The following RHBDF2 variants were observed in gnomAD, a reference collection of about 807,000 sequenced individuals.
RHBDF2 encodes inactive rhomboid protein 2.
A neutral mutation model predicts 95.2 loss-of-function variants in RHBDF2; 38 were observed. That is an observed-to-expected ratio of 0.40 (90% confidence interval 0.31 to 0.52). The LOEUF is 0.52. Ranked by LOEUF, RHBDF2 falls within the 20% of genes least tolerant of loss-of-function variation. The pLI is 0.56. For missense variants in RHBDF2, 863 were observed against 1,137.7 expected (o/e 0.76, Z 3.47); for synonymous variants, 442 against 462.0 (o/e 0.96, Z 0.55).
In RHBDF2 at chr17:76,490,236, C is replaced by T. The variant is rs1002674394; in HGVS notation, c.-219-2327G>A. On this transcript the variant is annotated intron_variant, in intron 1 of 18. Transcript: ENST00000675367. ...CGCTTCTTTAAGGCTAGTCCAGCAG[C>T]GCTGGCTTCGCCTCCTTCCATCCCG... 4.6e-5 allele frequency among the ~76,000 whole-genome samples: 7 copies of T among 152,184 alleles called. No individual in the cohort carries two copies. In the East Asian group the frequency reaches 5.8e-4, roughly 13 times the overall value.
chr17:76,488,489 G>C (rs1403322090), intron 1 of RHBDF2, among the ~76,000 whole-genome samples: 1 of 129,838 alleles, frequency 7.7e-6, no homozygotes, highest in Non-Finnish European at 1.8e-5. Context: ...GACAGAGGGA[G>C]ACTCTGCCTC....
At chr17:76,474,602 A>G (rs1332726934) in intron 11 of RHBDF2, 68 bp from the exon 12 acceptor site, 1 of 1,609,366 alleles carries the variant, frequency 6.2e-7, no homozygotes, top group African/African-American at 1.3e-5. Flanking sequence ...CCATCACTCC[A>G]CCTCTGCCCC....
intron 1 of RHBDF2, among the ~76,000 whole-genome samples, chr17:76,494,091 G>A (rs995276052): frequency 6.6e-6 from 1 of 152,150 alleles, no homozygotes; most frequent in Non-Finnish European, 1.5e-5. Context: ...CCAAGATCAG[G>A]GGTGTGAGGT....
chr17:76,481,760 C>T (rs2073973984), intron 2 of RHBDF2: 1 of 380,678 alleles, frequency 2.6e-6, no homozygotes. Context: ...CGAGACCATC[C>T]TGGCCAACAT....
chr17:76,501,139 C>T (rs1050538383), intron 1 of RHBDF2: 9 of 152,364 alleles, frequency 5.9e-5, no homozygotes, highest in African/African-American at 2.2e-4. Flanking sequence ...CAGACCGGGT[C>T]CAGCGGCCCC....
At chr17:76,489,326 T>G (rs1173500598) in intron 1 of RHBDF2, among the ~76,000 whole-genome samples, 1 of 26,004 alleles carries the variant, frequency 3.8e-5, no homozygotes, top group African/African-American at 1.4e-4. Flanking sequence ...GGCATTCCTG[T>G]TTTTTTTTTT....
At chr17:76,496,938 A>G (rs2074438981) in intron 1 of RHBDF2, among the ~76,000 whole-genome samples, 1 of 151,796 alleles carries the variant, frequency 6.6e-6, no homozygotes, top group East Asian at 1.9e-4. Flanking sequence ...ATTTTTTTGT[A>G]TTTTTAGTAG....
At chr17:76,481,692 C>T (rs918951973) in intron 2 of RHBDF2, 147 bp from the exon 3 acceptor site, 42 of 643,292 alleles carry the variant, frequency 6.5e-5, no homozygotes, top group African/African-American at 4.6e-4. Context: ...CGGTGGCTCA[C>T]GCCTGTAATC....
At chr17:76,483,722 T>G (rs1253498899) in intron 2 of RHBDF2, among the ~76,000 whole-genome samples, 2 of 152,226 alleles carry the variant, frequency 1.3e-5, no homozygotes, top group African/African-American at 2.4e-5. Flanking sequence ...ACTAACACCC[T>G]TGCATACACC....
intron 2 of RHBDF2, among the ~76,000 whole-genome samples, chr17:76,486,330 G>A (rs1346597579): frequency 6.6e-6 from 1 of 152,088 alleles, no homozygotes; most frequent in Non-Finnish European, 1.5e-5. Context: ...GGCTAGTCTC[G>A]AACTCCTTAC....
intron 2 of RHBDF2, among the ~76,000 whole-genome samples, chr17:76,487,047 C>T (rs570855516): frequency 4.6e-5 from 7 of 151,178 alleles, no homozygotes; most frequent in African/African-American, 1.7e-4. Flanking sequence ...CAGCCTCCGC[C>T]TCCTGGGTTC....
Position 76,481,399 on chromosome 17 carries a change from G to C in RHBDF2, c.126C>G (p.Gly42=), listed in dbSNP as rs746701071. The change falls in exon 3 of 19, where the codon GGC becomes GGG. Residue 42 remains glycine, a synonymous_variant. Coordinates refer to ENST00000675367, the MANE Select transcript of RHBDF2 (RefSeq NM_001005498.4). ...PPPEKETQAP[G]EQDSMLPERK... ...CCTCAGGCAGCATGCTGTCCTGCTC[G>C]CCAGGGGCCTGGGTCTCTTTCTCGG... 5 of 1,612,360 alleles carry C rather than the reference G, an allele frequency of 3.1e-6. No individual in the cohort carries two copies. The African/African-American group carries it at 4.0e-5, about 13-fold the overall frequency.
chr17:76,478,471 C>A (rs573382150), intron 6 of RHBDF2, among the ~76,000 whole-genome samples: 4 of 152,208 alleles, frequency 2.6e-5, no homozygotes, highest in Admixed American at 2.6e-4. Context: ...GCTCTGCACG[C>A]GGTGCCCAGC....
intron 1 of RHBDF2, among the ~76,000 whole-genome samples, chr17:76,498,353 C>CTGGGGCAGA (rs2074481603): frequency 6.6e-6 from 1 of 152,228 alleles, no homozygotes; most frequent in African/African-American, 2.4e-5. Flanking sequence ...TGGAAATCCC[C>CTGGGGCAGA]TGGGGCAGAT....
chr17:76,499,729 C>T (rs2074528602), intron 1 of RHBDF2, among the ~76,000 whole-genome samples: 1 of 152,188 alleles, frequency 6.6e-6, no homozygotes, highest in African/African-American at 2.4e-5. Flanking sequence ...CACATGGTAT[C>T]AGGCAACCAT....
chr17:76,499,172 A>C (rs762235613), intron 1 of RHBDF2, among the ~76,000 whole-genome samples: 4 of 152,204 alleles, frequency 2.6e-5, no homozygotes, highest in Non-Finnish European at 4.4e-5. Flanking sequence ...CAAAACAAAA[A>C]AAACAAAAGC....
In RHBDF2 at chr17:76,481,096, G is replaced by A. The variant is rs3809698; in HGVS notation, c.150+279C>T. On this transcript the variant is annotated intron_variant, in intron 3 of 18. Transcript: ENST00000675367. Reference sequence around the variant, plus strand: ...AGTCCAGGCCTAGGGGGTGAAATGAGAACAGCCAGGGCCCCAGGGTTACCA... The same window carrying A: ...AGTCCAGGCCTAGGGGGTGAAATGAAAACAGCCAGGGCCCCAGGGTTACCA... Among the ~76,000 whole-genome samples, 116,008 of 152,120 alleles carry A rather than the reference G, an allele frequency of 0.76. 45,444 individuals are homozygous for A. Among genetic ancestry groups the A allele is most frequent in the Non-Finnish European group, 0.86 (58,358 of 67,994 alleles).
At position 76,500,460 on chromosome 17, in the gene RHBDF2, T is replaced by C. The variant is rs980146675; in HGVS notation, c.-220+893A>G. Among the ~76,000 whole-genome samples, 4 of 152,292 alleles carry C rather than the reference T, an allele frequency of 2.6e-5. No individual in the cohort carries two copies. The East Asian group carries it at 7.7e-4, about 29-fold the overall frequency. On this transcript the variant is annotated intron_variant, in intron 1 of 18. Coordinates refer to ENST00000675367, the MANE Select transcript of RHBDF2 (RefSeq NM_001005498.4). ...TAAGGCAGATGCTGGTCTCATTATA[T>C]TACCAGCAAATGGCACACACTGGGG...
At chr17:76,486,115 C>CACACAT (rs1484804849) in intron 2 of RHBDF2, among the ~76,000 whole-genome samples, 154 of 143,716 alleles carry the variant, frequency 1.1e-3, no homozygotes, top group Admixed American at 1.6e-3. Flanking sequence ...CACACACACA[C>CACACAT]ATATAGTTTT....
Sources: allele counts gnomAD v4.1 joint callset (sites outside exome capture counted in the v4.1 genomes callset), GRCh38; gene constraint gnomAD v4.1.1; transcripts MANE v1.5; gene names NCBI Gene and HGNC (gene_info 2026-07-23, HGNC 2026-07-21).